The following ASTN2 variants were observed in gnomAD, a reference collection of about 807,000 sequenced individuals.
The protein encoded by ASTN2 is astrotactin 2, also known as astrotactin-2.
A neutral mutation model predicts 139.8 loss-of-function variants in ASTN2; 54 were observed. That is an observed-to-expected ratio of 0.39 (90% CI 0.31 to 0.48). ASTN2 has a LOEUF of 0.48. Ranked by LOEUF, ASTN2 falls within the 20% of genes least tolerant of loss-of-function variation. ASTN2 has a pLI of 0.95. For synonymous variants in ASTN2, 756 were observed against 719.5 expected, an observed-to-expected ratio of 1.05 and a Z score of -0.81; for missense variants, 1,565 against 1,725.1, an observed-to-expected ratio of 0.91 and a Z score of 1.64.
intron 5 of ASTN2, among the ~76,000 whole-genome samples, chr9:117,045,975 TGTATGTAC>T (rs558754509): frequency 0.021 from 2,112 of 102,066 alleles, 25 homozygotes; most frequent in South Asian, 0.041. Flanking sequence ...TATGTATGTA[TGTATGTAC>T]GTACGTACGT....
chr9:117,035,257 T>C (rs1029647501), intron 6 of ASTN2, among the ~76,000 whole-genome samples: 3 of 152,156 alleles, frequency 2.0e-5, no homozygotes, highest in African/African-American at 7.2e-5. Flanking sequence ...CATTGAGACT[T>C]TGTTTTTCTT....
intron 6 of ASTN2, among the ~76,000 whole-genome samples, chr9:117,015,767 C>T (rs931663901): frequency 3.3e-5 from 5 of 151,398 alleles, no homozygotes; most frequent in Non-Finnish European, 7.4e-5. Flanking sequence ...CATGAAAGTA[C>T]TTTTTTTTTC....
At chr9:116,965,970 A>G (rs772262490) in intron 10 of ASTN2, among the ~76,000 whole-genome samples, 10 of 152,218 alleles carry the variant, frequency 6.6e-5, no homozygotes, top group Non-Finnish European at 1.3e-4. Flanking sequence ...GATCACTTAC[A>G]GGAAGCTGAG....
chr9:117,232,247 ACT>A (rs1195933095), intron 2 of ASTN2, among the ~76,000 whole-genome samples: 1 of 152,064 alleles, frequency 6.6e-6, no homozygotes, highest in Admixed American at 6.6e-5. Context: ...GCATGTAAAC[ACT>A]CTGGATAGTA....
chr9:116,634,313 G>A (rs919309489), intron 17 of ASTN2, among the ~76,000 whole-genome samples: 2 of 151,844 alleles, frequency 1.3e-5, no homozygotes, highest in Non-Finnish European at 2.9e-5. Context: ...AAATAGGGCC[G>A]GGCGCGGTGG....
At chr9:116,438,876 C>T (rs35071621) in intron 22 of ASTN2, among the ~76,000 whole-genome samples, 6 of 151,804 alleles carry the variant, frequency 4.0e-5, no homozygotes, top group African/African-American at 7.3e-5. Context: ...CTTGAACTCA[C>T]GAGGCGGAGG....
chr9:116,998,380 T>G (rs1486534340), intron 7 of ASTN2, among the ~76,000 whole-genome samples: 2 of 152,134 alleles, frequency 1.3e-5, no homozygotes, highest in Non-Finnish European at 2.9e-5. Flanking sequence ...GGGGAAAAGG[T>G]GAGTTTCAGA....
At chr9:117,149,925 T>C (rs1830289561) in intron 3 of ASTN2, among the ~76,000 whole-genome samples, 1 of 152,224 alleles carries the variant, frequency 6.6e-6, no homozygotes, top group African/African-American at 2.4e-5. Context: ...GCATAGCTTA[T>C]CTTCAAGCAA....
intron 6 of ASTN2, among the ~76,000 whole-genome samples, chr9:117,015,804 T>C (rs550545884): frequency 6.6e-6 from 1 of 152,144 alleles, no homozygotes; most frequent in Non-Finnish European, 1.5e-5. Flanking sequence ...AGCAACTTGG[T>C]TAAGATTGGG....
chr9:117,213,098 G>T (rs1425370119), intron 3 of ASTN2, among the ~76,000 whole-genome samples: 1 of 152,110 alleles, frequency 6.6e-6, no homozygotes, highest in Non-Finnish European at 1.5e-5. Flanking sequence ...AATACATTCA[G>T]CCATAAATAA....
Position 116,548,738 on chromosome 9 carries a change from T to C in ASTN2, c.3356-61238A>G, listed in dbSNP as rs527581875. ...ATCCACCGGCCTCAGCCTCCCAAAG[T>C]GCTGGGATTATAGGTGTTAGCCACT... On this transcript the variant is annotated intron_variant, in intron 19 of 22. Transcript: ENST00000313400. Among the ~76,000 whole-genome samples, 10 of 152,234 alleles carry C rather than the reference T, an allele frequency of 6.6e-5. No individual in the cohort carries two copies. The South Asian group carries it at 1.5e-3, about 22-fold the overall frequency.
At chr9:116,981,701 T>C (rs1207219282) in intron 7 of ASTN2, among the ~76,000 whole-genome samples, 2 of 152,222 alleles carry the variant, frequency 1.3e-5, no homozygotes, top group Non-Finnish European at 2.9e-5. Flanking sequence ...TTTCTGTACA[T>C]TTTTGACATT....
chr9:117,220,644 A>G (rs760481386), intron 2 of ASTN2, among the ~76,000 whole-genome samples: 1 of 152,174 alleles, frequency 6.6e-6, no homozygotes, highest in Non-Finnish European at 1.5e-5. Flanking sequence ...GTCATCAGCA[A>G]CCATGAGAAA....
intron 3 of ASTN2, among the ~76,000 whole-genome samples, chr9:117,185,791 G>A (rs1290261626): frequency 6.6e-6 from 1 of 152,118 alleles, no homozygotes; most frequent in Non-Finnish European, 1.5e-5. Context: ...GCATAGAGAG[G>A]TTATTTCCAG....
chr9:116,834,848 G>A (rs1831935673), intron 11 of ASTN2, among the ~76,000 whole-genome samples: 1 of 152,170 alleles, frequency 6.6e-6, no homozygotes, highest in Non-Finnish European at 1.5e-5. Context: ...AGGAGTTTGA[G>A]ACTGGCCTGG....
chr9:116,454,558 TA>T (rs370798446), intron 20 of ASTN2, among the ~76,000 whole-genome samples: 163 of 152,306 alleles, frequency 1.1e-3, no homozygotes, highest in African/African-American at 3.7e-3. Context: ...CCCAAATGAT[TA>T]TAAATCATGC....
intron 7 of ASTN2, among the ~76,000 whole-genome samples, chr9:116,991,017 C>T (rs1467996988): frequency 1.3e-5 from 2 of 152,178 alleles, no homozygotes; most frequent in East Asian, 3.9e-4. Context: ...TAAATCCATA[C>T]TCCAACTGCC....
intron 19 of ASTN2, among the ~76,000 whole-genome samples, chr9:116,503,386 T>C (rs1849972442): frequency 1.3e-5 from 2 of 152,122 alleles, no homozygotes; most frequent in Admixed American, 1.3e-4. Flanking sequence ...CCCACCCACA[T>C]ATAGAGGTTT....
intron 5 of ASTN2, among the ~76,000 whole-genome samples, chr9:117,071,378 C>T (rs1247816909): frequency 6.6e-6 from 1 of 151,494 alleles, no homozygotes; most frequent in Non-Finnish European, 1.5e-5. Flanking sequence ...TCTCAGATCT[C>T]CAGCTGCGTG....
Sources: allele counts gnomAD v4.1 joint callset (sites outside exome capture counted in the v4.1 genomes callset), GRCh38; gene constraint gnomAD v4.1.1; transcripts MANE v1.5; gene names NCBI Gene and HGNC (gene_info 2026-07-23, HGNC 2026-07-21).